Variants in CEP112 observed in about 807,000 individuals in gnomAD.
CEP112 encodes centrosomal protein of 112 kDa.
A neutral mutation model predicts 153.0 loss-of-function variants in CEP112; 127 were observed. The ratio of observed to expected loss-of-function variants is 0.83; its 90% CI spans 0.72 to 0.96. The LOEUF (loss-of-function observed/expected upper bound fraction) is 0.96. Ranked by LOEUF, CEP112 falls within the 40% of genes least tolerant of loss-of-function variation. The pLI, the probability that CEP112 is intolerant of heterozygous loss-of-function variation, is 0.00. For synonymous variants in CEP112, 358 were observed against 374.4 expected, an observed-to-expected ratio of 0.96 and a Z score of 0.51; for missense variants, 1,089 against 1,101.2, an observed-to-expected ratio of 0.99 and a Z score of 0.16.
chr17:65,817,308 A>G (rs1905003473), intron 21 of CEP112, among the ~76,000 whole-genome samples: 1 of 151,960 alleles, frequency 6.6e-6, no homozygotes, highest in Non-Finnish European at 1.5e-5. Context: ...CATTTAGGTT[A>G]TGAGAACAAA....
intron 17 of CEP112, among the ~76,000 whole-genome samples, chr17:65,970,629 AT>A (rs1169958158): frequency 6.6e-6 from 1 of 152,050 alleles, no homozygotes; most frequent in Non-Finnish European, 1.5e-5. Context: ...GAATGGAAGC[AT>A]ATTACATGCA....
chr17:65,777,728 A>C (rs1255057948), intron 21 of CEP112, among the ~76,000 whole-genome samples: 4 of 152,090 alleles, frequency 2.6e-5, no homozygotes, highest in African/African-American at 9.7e-5. Context: ...CTTTTATTTT[A>C]GTTTATTATA....
At chr17:66,121,186 G>T (rs2069566864) in intron 6 of CEP112, among the ~76,000 whole-genome samples, 1 of 151,916 alleles carries the variant, frequency 6.6e-6, no homozygotes, top group Non-Finnish European at 1.5e-5. Context: ...TGAGGCAGGA[G>T]AATCGCTTGA....
At chr17:66,156,349 G>T (rs567599964) in intron 4 of CEP112, among the ~76,000 whole-genome samples, 12 of 152,158 alleles carry the variant, frequency 7.9e-5, no homozygotes, top group Admixed American at 7.8e-4. Context: ...CAACAAAAAG[G>T]GTGTCCACAC....
In CEP112 at chr17:65,899,536, C is replaced by T. The variant is rs897347919; in HGVS notation, c.2163+2616G>A. ...TATAATAATTATAAAACATATTCACCAAAAGGGAGTCCCCTAGTTGGAACG... is the reference window on the plus strand; with the variant it reads ...TATAATAATTATAAAACATATTCACTAAAAGGGAGTCCCCTAGTTGGAACG... On this transcript the variant is annotated intron_variant, in intron 20 of 26. Transcript: ENST00000535342. Among the ~76,000 whole-genome samples the T allele has an allele frequency of 3.9e-5, 6 of 151,940 alleles. No homozygotes were observed. In the East Asian group the frequency reaches 1.2e-3, roughly 29 times the overall value.
intron 21 of CEP112, among the ~76,000 whole-genome samples, chr17:65,762,191 T>C (rs1173837192): frequency 1.3e-5 from 2 of 152,104 alleles, no homozygotes; most frequent in Non-Finnish European, 2.9e-5. Flanking sequence ...ATGGCTACCA[T>C]ATCCCTGATA....
At chr17:66,172,227 A>G (rs2072275083) in intron 4 of CEP112, among the ~76,000 whole-genome samples, 2 of 152,184 alleles carry the variant, frequency 1.3e-5, no homozygotes, top group Admixed American at 6.5e-5. Context: ...CAAACAGCAA[A>G]AACACAAGTT....
chr17:66,148,793 G>C lies in CEP112; in HGVS notation c.471-16030C>G, dbSNP rs551320009. On this transcript the variant is annotated intron_variant, in intron 4 of 26. Coordinates refer to ENST00000535342, the MANE Select transcript of CEP112 (RefSeq NM_001199165.4). ...TTTCTACATATAAGATCATGTCTGTGAACAAAGATAATTTTCCTTCTTCCT... is the reference window on the plus strand; with the variant it reads ...TTTCTACATATAAGATCATGTCTGTCAACAAAGATAATTTTCCTTCTTCCT... Among the ~76,000 whole-genome samples, 3 of 152,160 alleles carry C rather than the reference G, an allele frequency of 2.0e-5. No individual in the cohort carries two copies. In the South Asian group the frequency reaches 6.2e-4, roughly 32 times the overall value.
intron 21 of CEP112, chr17:65,826,344 C>T (rs769039753): frequency 1.2e-6 from 2 of 1,612,332 alleles, no homozygotes; most frequent in East Asian, 4.5e-5. Context: ...GATGAGAGCC[C>T]TCAGTGCAGG....
At chr17:65,954,715 T>C (rs555174981) in intron 18 of CEP112, among the ~76,000 whole-genome samples, 1 of 151,910 alleles carries the variant, frequency 6.6e-6, no homozygotes, top group African/African-American at 2.4e-5. Context: ...AAATGCAAAA[T>C]GCACTGGAAA....
intron 21 of CEP112, among the ~76,000 whole-genome samples, chr17:65,817,484 T>C (rs1278334745): frequency 2.6e-5 from 4 of 151,946 alleles, no homozygotes; most frequent in African/African-American, 9.6e-5. Flanking sequence ...ATTCCCTTCA[T>C]GTTCATGCAA....
At chr17:65,976,738 T>TTTC (rs1555743407) in intron 17 of CEP112, among the ~76,000 whole-genome samples, 2 of 38,414 alleles carry the variant, frequency 5.2e-5, no homozygotes, top group Non-Finnish European at 1.4e-4. Context: ...ACTTTTTCTT[T>TTTC]TTTTTTTTTT....
intron 24 of CEP112, among the ~76,000 whole-genome samples, chr17:65,644,897 C>T (rs941061577): frequency 6.6e-6 from 1 of 152,002 alleles, no homozygotes; most frequent in Non-Finnish European, 1.5e-5. Context: ...AGTCTGAGGC[C>T]AATCTGATTT....
chr17:66,016,310 C>T (rs924811358), intron 16 of CEP112, among the ~76,000 whole-genome samples: 1 of 152,176 alleles, frequency 6.6e-6, no homozygotes, highest in Non-Finnish European at 1.5e-5. Flanking sequence ...TTCTTGAACA[C>T]CGTACACCAC....
chr17:65,718,074 C>T (rs1423838031), intron 23 of CEP112, among the ~76,000 whole-genome samples: 3 of 152,120 alleles, frequency 2.0e-5, no homozygotes, highest in Non-Finnish European at 2.9e-5. Flanking sequence ...TATATTTTAA[C>T]TGGAAGTTGC....
intron 23 of CEP112, among the ~76,000 whole-genome samples, chr17:65,727,673 G>C (rs2050255104): frequency 1.3e-5 from 2 of 152,194 alleles, no homozygotes; most frequent in African/African-American, 4.8e-5. Flanking sequence ...GGCCAATTTG[G>C]AAGGGAAGAT....
chr17:65,644,882 G>A (rs1393377951), intron 24 of CEP112, among the ~76,000 whole-genome samples: 3 of 152,040 alleles, frequency 2.0e-5, no homozygotes, highest in African/African-American at 7.2e-5. Flanking sequence ...ATATTGCCAT[G>A]GTAAAGTCTG....
chr17:65,694,124 A>G (rs1030380348), intron 23 of CEP112, among the ~76,000 whole-genome samples: 4 of 152,184 alleles, frequency 2.6e-5, no homozygotes, highest in South Asian at 2.1e-4. Flanking sequence ...ACAGTGGGGC[A>G]TGCTCTCAGA....
chr17:66,174,997 C>T, intron 4 of CEP112, 47 bp downstream of exon 4: 6 of 1,324,770 alleles, frequency 4.5e-6, no homozygotes, highest in Non-Finnish European at 6.0e-6. Flanking sequence ...GTTCCAAAGA[C>T]AGACTAAATG....
Sources: gnomAD v4.1 joint callset for allele counts (sites outside exome capture counted in the v4.1 genomes callset) on GRCh38, gnomAD v4.1.1 for gene constraint, MANE v1.5 for transcripts, NCBI Gene and HGNC (gene_info 2026-07-23, HGNC 2026-07-21) for gene names.